The following TTC39B variants were observed in gnomAD, a reference collection of about 807,000 sequenced individuals.
TTC39B encodes tetratricopeptide repeat protein 39B.
A neutral mutation model predicts 96.6 loss-of-function variants in TTC39B; 92 were observed. The observed-to-expected ratio is 0.95, with a 90% confidence interval of 0.80 to 1.13. TTC39B has a LOEUF of 1.13. Ranked by LOEUF, TTC39B falls within the 50% of genes most tolerant of loss-of-function variation. TTC39B has a pLI of 0.00. For missense variants in TTC39B, 955 were observed against 809.3 expected (o/e 1.18, Z -2.18); for synonymous variants, 367 against 299.4 (o/e 1.23, Z -2.33).
chr9:15,253,719 T>C (rs1360206521), intron 2 of TTC39B, among the ~76,000 whole-genome samples: 1 of 132,830 alleles, frequency 7.5e-6, no homozygotes, highest in Non-Finnish European at 1.5e-5. Context: ...TTCTTTCATA[T>C]ATGTTCAAGT....
chr9:15,267,384 A>C (rs1241176202), intron 2 of TTC39B, among the ~76,000 whole-genome samples: 1 of 152,270 alleles, frequency 6.6e-6, no homozygotes, highest in Non-Finnish European at 1.5e-5. Flanking sequence ...TTGTTATGTT[A>C]ACCTTTAGAA....
At chr9:15,237,886 C>G (rs182804907) in intron 2 of TTC39B, among the ~76,000 whole-genome samples, 22 of 152,278 alleles carry the variant, frequency 1.4e-4, no homozygotes, top group Admixed American at 3.9e-4. Context: ...CAAAAATCCT[C>G]CACAAAATAC....
chr9:15,235,353 G>A (rs1821728141), intron 2 of TTC39B, among the ~76,000 whole-genome samples: 3 of 152,182 alleles, frequency 2.0e-5, no homozygotes. Context: ...GCATTCCTGA[G>A]AAGGAAGAAG....
chr9:15,218,632 T>TAAAAAAAAAATATATATATATATA (rs545882970), intron 3 of TTC39B, among the ~76,000 whole-genome samples: 3 of 105,110 alleles, frequency 2.9e-5, no homozygotes, highest in African/African-American at 1.1e-4. Context: ...TTAGTCTATT[T>TAAAAAAAAAATATATATATATATA]TAAATATATA....
chr9:15,260,082 A>G (rs1822891188), intron 2 of TTC39B, among the ~76,000 whole-genome samples: 1 of 152,150 alleles, frequency 6.6e-6, no homozygotes, highest in African/African-American at 2.4e-5. Flanking sequence ...AGGAATATAT[A>G]TGAGATATAA....
chr9:15,171,321 T>TG (rs1817649185), exon 20 of TTC39B: 1 of 152,232 alleles, frequency 6.6e-6, no homozygotes, highest in African/African-American at 2.4e-5. Flanking sequence ...TGACACTTCC[T>TG]TCCCTTTAGA....
At chr9:15,275,706 G>A (rs1348110015) in intron 1 of TTC39B, among the ~76,000 whole-genome samples, 1 of 152,162 alleles carries the variant, frequency 6.6e-6, no homozygotes, top group African/African-American at 2.4e-5. Flanking sequence ...AGGTGGAAAT[G>A]TATAAGGTAA....
chr9:15,195,907 C>T (rs907403853), intron 8 of TTC39B, among the ~76,000 whole-genome samples: 1 of 152,268 alleles, frequency 6.6e-6, no homozygotes, highest in Admixed American at 6.5e-5. Context: ...CAGGCTGACT[C>T]TTGTTAGGGA....
exon 6 of TTC39B, chr9:15,210,108 G>C (rs759963510): frequency 8.7e-6 from 14 of 1,606,550 alleles, no homozygotes; most frequent in Non-Finnish European, 1.2e-5. Context: ...TTGCTCCAGG[G>C]ATCCTCTAGA....
At chr9:15,293,617 C>G (rs959363721) in intron 1 of TTC39B, among the ~76,000 whole-genome samples, 2 of 152,214 alleles carry the variant, frequency 1.3e-5, no homozygotes, top group Admixed American at 6.5e-5. Flanking sequence ...AACAGGCCAC[C>G]TGTACCCCAG....
At chr9:15,261,358 C>A (rs1311931467) in intron 2 of TTC39B, among the ~76,000 whole-genome samples, 1 of 152,100 alleles carries the variant, frequency 6.6e-6, no homozygotes, top group Admixed American at 6.5e-5. Flanking sequence ...TGCCTATAGT[C>A]CCAGCTACTT....
intron 1 of TTC39B, among the ~76,000 whole-genome samples, chr9:15,293,117 T>C (rs1194522793): frequency 6.6e-6 from 1 of 152,230 alleles, no homozygotes; most frequent in Non-Finnish European, 1.5e-5. Flanking sequence ...CATTTTACTG[T>C]GCCTTTTCTA....
chr9:15,214,229 T>A (rs1820371290), exon 4 of TTC39B: 2 of 1,613,814 alleles, frequency 1.2e-6, no homozygotes, highest in Non-Finnish European at 1.7e-6. Context: ...ACTCTTGAGA[T>A]CCACCTTGGT....
At chr9:15,167,979 T>G (rs1193079509) in exon 20 of TTC39B, 1 of 152,156 alleles carries the variant, frequency 6.6e-6, no homozygotes, top group Non-Finnish European at 1.5e-5. Context: ...ATAAACACGA[T>G]CAAATGAAAG....
chr9:15,276,346 T>C (rs570903868), intron 1 of TTC39B, among the ~76,000 whole-genome samples: 112 of 152,276 alleles, frequency 7.4e-4, no homozygotes, highest in African/African-American at 2.6e-3. Flanking sequence ...AGAAAATCCT[T>C]TCCCCCTTCC....
At chr9:15,173,631 A>G (rs1349797889) in intron 19 of TTC39B, among the ~76,000 whole-genome samples, 4 of 152,166 alleles carry the variant, frequency 2.6e-5, no homozygotes, top group Admixed American at 2.6e-4. Flanking sequence ...AATGTCTAAG[A>G]AGATGGCATA....
At position 15,191,262 on chromosome 9, in the gene TTC39B, GA is replaced by G. The variant is rs764690070; in HGVS notation, c.931-8del. 6.3e-7 allele frequency: 1 copy of G among 1,594,098 alleles called. No individual in the cohort carries two copies. The highest frequency in any genetic ancestry group is 8.6e-7 in the Non-Finnish European group (1 of 1,167,920). On this transcript the variant is annotated splice_region_variant and splice_polypyrimidine_tract_variant and intron_variant, in intron 9 of 19. Transcript: ENST00000512701. Reference sequence around the variant, plus strand: ...CTGGTAAAAGGGACAGCATCTGTAAGAAAAAAATATACAGTGTACTTATGTG... The same window carrying G: ...CTGGTAAAAGGGACAGCATCTGTAAGAAAAAATATACAGTGTACTTATGTG...
chr9:15,214,116 C>G lies in TTC39B; in HGVS notation c.482+23G>C, dbSNP rs573886098. ...CAGAAACATCTGAAAGATATTTTAT[C>G]TAAAAGAGACAAAGTAAATTACCAG... On this transcript the variant is annotated intron_variant, in intron 4 of 19. Transcript: ENST00000512701. 14 of 1,540,254 alleles carry G rather than the reference C, an allele frequency of 9.1e-6. No homozygotes were observed. The South Asian group carries it at 1.6e-4, about 17-fold the overall frequency.
Position 15,197,497 on chromosome 9 carries a change from T to C in TTC39B, c.824+2364A>G, listed in dbSNP as rs184717463. Among the ~76,000 whole-genome samples, 6 of 152,280 alleles carry C rather than the reference T, an allele frequency of 3.9e-5. No homozygotes were observed. The East Asian group carries it at 7.7e-4, about 20-fold the overall frequency. ...ACCAGTAATGGTAGGGTAGCTTATG[T>C]CAGATTAACTTTCCCACAAGTAACT... On this transcript the variant is annotated intron_variant, in intron 8 of 19. Coordinates refer to ENST00000512701, the Ensembl canonical transcript of TTC39B.
Sources: gnomAD v4.1 joint callset for allele counts (sites outside exome capture counted in the v4.1 genomes callset) on GRCh38, gnomAD v4.1.1 for gene constraint, MANE v1.5 for transcripts, NCBI Gene and HGNC (gene_info 2026-07-23, HGNC 2026-07-21) for gene names.